The following GLMN variants were observed in gnomAD, a reference collection of about 807,000 sequenced individuals.
GLMN encodes glomulin, FKBP associated protein, also known as glomulin.
Under a neutral mutation model 87.8 loss-of-function variants are expected in GLMN, and 75 were observed. That is an observed-to-expected ratio of 0.85 (90% CI 0.71 to 1.04). The LOEUF is 1.04. Ranked by LOEUF, GLMN falls within the 50% of genes least tolerant of loss-of-function variation. GLMN has a pLI of 0.00. For missense variants in GLMN, 588 were observed against 658.8 expected (o/e 0.89, Z 1.18); for synonymous variants, 206 against 221.6 (o/e 0.93, Z 0.63).
chr1:92,304,293 C>A, the GLMN span: 2 of 1,481,516 alleles, frequency 1.3e-6, no homozygotes, highest in Admixed American at 1.8e-5. Flanking sequence ...GGTACCAAAA[C>A]AGAAATATAA....
chr1:92,344,559 C>G, the GLMN span, among the ~76,000 whole-genome samples: 1 of 152,006 alleles, frequency 6.6e-6, no homozygotes, highest in South Asian at 2.1e-4. Flanking sequence ...GCATTAAAAC[C>G]CATTTTTTTA....
intron 16 of GLMN, among the ~76,000 whole-genome samples, chr1:92,255,933 G>A (rs1434749927): frequency 6.6e-6 from 1 of 152,130 alleles, no homozygotes; most frequent in Non-Finnish European, 1.5e-5. Context: ...TGGAGATAGA[G>A]ACGCAAAAAA....
chr1:92,275,260 C>A (rs1647200050), intron 7 of GLMN, among the ~76,000 whole-genome samples: 1 of 152,298 alleles, frequency 6.6e-6, no homozygotes, highest in Non-Finnish European at 1.5e-5. Context: ...CTCTCCTTCA[C>A]CTAGAAATCT....
the GLMN span, chr1:92,323,755 TTAGA>T: frequency 3.7e-6 from 6 of 1,614,020 alleles, no homozygotes; most frequent in Non-Finnish European, 4.2e-6. Flanking sequence ...CGATTGCAAA[TTAGA>T]TAGTCAGGAG....
the GLMN span, chr1:92,324,236 C>T: frequency 6.2e-7 from 1 of 1,613,916 alleles, no homozygotes; most frequent in Non-Finnish European, 8.5e-7. Context: ...TTTAGGGGCT[C>T]AGGTACAGCC....
chr1:92,269,845 G>T, intron 8 of GLMN, 69 bp from the exon 9 acceptor site: 1 of 1,007,646 alleles, frequency 9.9e-7, no homozygotes, highest in Non-Finnish European at 1.6e-6. Context: ...CATACATATT[G>T]TTATGGGTTG....
chr1:92,346,525 G>A, the GLMN span, among the ~76,000 whole-genome samples: 12 of 151,850 alleles, frequency 7.9e-5, no homozygotes, highest in Non-Finnish European at 1.5e-4. Context: ...TAGTCTTTTC[G>A]TTTCATTTTT....
chr1:92,262,891 A>G lies in GLMN; in HGVS notation c.1445T>C (p.Val482Ala). The G allele has an allele frequency of 8.6e-7, 1 of 1,163,538 alleles. No homozygotes were observed. The highest frequency in any genetic ancestry group is 1.3e-6 in the Non-Finnish European group (1 of 774,062). The allele number at this position is 1,163,538 out of a possible 1,614,324, so 72.1% of individuals were successfully genotyped here. A position where few individuals can be genotyped will look rare whatever the true frequency, so the allele number is the denominator to read the frequency against. ...MASLNLLRYL[V>A]IKDNENDNQT... ...ATTGTCATTTTCATTATCTTTGATA[A>G]CCAAATACCTCAATAAATTTAATGA... The change falls in exon 16 of 19, where the codon GTT becomes GCT. Residue 482 changes from valine to alanine, a missense_variant. Physicochemically the swap from Val to Ala is moderately conservative, Grantham distance 64. Transcript: ENST00000370360.
At chr1:92,360,086 C>T in the GLMN span, among the ~76,000 whole-genome samples, 3 of 152,232 alleles carry the variant, frequency 2.0e-5, no homozygotes, top group Non-Finnish European at 2.9e-5. Flanking sequence ...AAGATTCAGA[C>T]TCAGACCCTA....
At chr1:92,316,228 G>A in the GLMN span, among the ~76,000 whole-genome samples, 1 of 152,262 alleles carries the variant, frequency 6.6e-6, no homozygotes, top group African/African-American at 2.4e-5. Flanking sequence ...GATTTCACAC[G>A]TTGCTTCTTG....
chr1:92,288,813 C>T, intron 6 of GLMN, 101 bp downstream of exon 6: 1 of 741,798 alleles, frequency 1.3e-6, no homozygotes, highest in Admixed American at 2.0e-5. Context: ...AAATCTGAAA[C>T]TAGATTTCTA....
At chr1:92,332,774 CTT>C in the GLMN span, among the ~76,000 whole-genome samples, 1 of 152,106 alleles carries the variant, frequency 6.6e-6, no homozygotes, top group Non-Finnish European at 1.5e-5. Context: ...ACCCTGAACT[CTT>C]TTTATTAGAA....
At chr1:92,292,530 C>T (rs1314255350) in intron 3 of GLMN, among the ~76,000 whole-genome samples, 1 of 151,524 alleles carries the variant, frequency 6.6e-6, no homozygotes, top group Non-Finnish European at 1.5e-5. Context: ...CCTGTCTCAG[C>T]CCCCCAAGTA....
Position 92,269,729 on chromosome 1 carries a change from A to C in GLMN, c.971T>G (p.Leu324Trp). The C allele has an allele frequency of 6.2e-7, 1 of 1,607,452 alleles. No individual in the cohort carries two copies. The highest frequency in any genetic ancestry group is 8.5e-7 in the Non-Finnish European group (1 of 1,174,032). ...ACCATCTAAACGATCTTACCTTTGC[A>C]AAAAGACTTCAATGTGCCCCATATT... ...QFNMGHIEVF[L>W]QRTEESVISK... The change falls in exon 9 of 19, where the codon TTG becomes TGG. Residue 324 changes from leucine to tryptophan, a missense_variant. Coordinates refer to ENST00000370360, the MANE Select transcript of GLMN (RefSeq NM_053274.3).
In GLMN at chr1:92,297,461, G is replaced by T. The variant is rs770780171; in HGVS notation, c.108C>A (p.Cys36Ter). 4.3e-6 allele frequency: 7 copies of T among 1,609,962 alleles called. No individual in the cohort carries two copies. The highest frequency in any genetic ancestry group is 5.1e-6 in the Non-Finnish European group (6 of 1,178,260). The change falls in exon 3 of 19, where the codon TGC becomes TGA. Residue 36 changes from cysteine (C) to a stop codon, truncating the protein, a stop_gained. Transcript: ENST00000370360. LOFTEE classifies it high-confidence loss of function. ...FGLFQLAGQR[C>*]IEEGHTDQLL... ...GCTGGTCTGTGTGCCCTTCTTCTAT[G>T]CATCTTTGCCCAGCTAACTGAAATA...
chr1:92,273,494 G>C lies in GLMN; in HGVS notation c.736-1842C>G, dbSNP rs1175836899. Among the ~76,000 whole-genome samples the C allele has an allele frequency of 2.5e-4, 37 of 149,058 alleles. No homozygotes were observed. In the Admixed American group the frequency reaches 2.5e-3, roughly 10 times the overall value. Reference sequence around the variant, plus strand: ...AGGTCTCACTCTGTCACTCAGGCTGGAGTGTAGTGGCATGATCATGGCTTA... The same window carrying C: ...AGGTCTCACTCTGTCACTCAGGCTGCAGTGTAGTGGCATGATCATGGCTTA... On this transcript the variant is annotated intron_variant, in intron 7 of 18. Transcript: ENST00000370360.
the GLMN span, among the ~76,000 whole-genome samples, chr1:92,358,096 C>T: frequency 8.5e-5 from 13 of 152,142 alleles, no homozygotes; most frequent in African/African-American, 2.9e-4. Flanking sequence ...GAAGGTTAGT[C>T]TTTCAGAGAT....
At chr1:92,294,908 A>G (rs1649845621) in intron 3 of GLMN, among the ~76,000 whole-genome samples, 1 of 152,152 alleles carries the variant, frequency 6.6e-6, no homozygotes, top group Non-Finnish European at 1.5e-5. Flanking sequence ...CGAACTCCTG[A>G]CCTTAGGTGA....
the GLMN span, among the ~76,000 whole-genome samples, chr1:92,351,034 C>CG: frequency 6.6e-6 from 1 of 151,858 alleles, no homozygotes; most frequent in Non-Finnish European, 1.5e-5. Context: ...GGACAGTAGG[C>CG]GGGGTGCAGT....
Sources: allele counts gnomAD v4.1 joint callset (sites outside exome capture counted in the v4.1 genomes callset), GRCh38; gene constraint gnomAD v4.1.1; transcripts MANE v1.5; gene names NCBI Gene and HGNC (gene_info 2026-07-23, HGNC 2026-07-21).